Variants in TBC1D19 observed in about 807,000 individuals in gnomAD.
TBC1D19 encodes the protein TBC1 domain family member 19.
In TBC1D19, 60 loss-of-function variants were observed where a neutral mutation model predicts 89.0. The ratio of observed to expected loss-of-function variants is 0.67; its 90% CI spans 0.55 to 0.84. The LOEUF (loss-of-function observed/expected upper bound fraction) is 0.84. TBC1D19 is among the 40% of genes least tolerant of loss of function. The pLI, the probability that TBC1D19 is intolerant of heterozygous loss-of-function variation, is 0.00. For synonymous variants in TBC1D19, 189 were observed against 199.7 expected (o/e 0.95, Z 0.45); for missense variants, 500 against 610.8 (o/e 0.82, Z 1.91).
At chr4:26,816,253 T>C in the TBC1D19 span, among the ~76,000 whole-genome samples, 1 of 151,428 alleles carries the variant, frequency 6.6e-6, no homozygotes, top group Non-Finnish European at 1.5e-5. Flanking sequence ...CTTTACTTTT[T>C]TTATGGAGCA....
intron 17 of TBC1D19, among the ~76,000 whole-genome samples, chr4:26,741,497 C>T (rs1256806663): frequency 6.6e-6 from 1 of 152,072 alleles, no homozygotes; most frequent in Non-Finnish European, 1.5e-5. Flanking sequence ...AGCACACACC[C>T]ATGGTGTTCT....
intron 10 of TBC1D19, 125 bp downstream of exon 10, chr4:26,672,312 T>G: frequency 2.4e-4 from 178 of 730,112 alleles, no homozygotes; most frequent in Non-Finnish European, 3.3e-4. Context: ...AGAGGGGTAA[T>G]ATTTAACCAT....
the TBC1D19 span, among the ~76,000 whole-genome samples, chr4:26,807,028 T>C: frequency 9.9e-5 from 15 of 152,166 alleles, no homozygotes; most frequent in Admixed American, 2.0e-4. Context: ...ACTCAATCAC[T>C]GGTGAGAGAG....
the TBC1D19 span, among the ~76,000 whole-genome samples, chr4:26,844,400 A>C: frequency 1.3e-5 from 2 of 152,384 alleles, no homozygotes; most frequent in Admixed American, 6.5e-5. Flanking sequence ...TATTATCGGG[A>C]AAATGAGAAG....
the TBC1D19 span, among the ~76,000 whole-genome samples, chr4:26,785,147 C>T: frequency 6.6e-6 from 1 of 152,136 alleles, no homozygotes; most frequent in Non-Finnish European, 1.5e-5. Flanking sequence ...TTTTTATCTC[C>T]CTACCCACTC....
chr4:26,826,960 T>C, the TBC1D19 span, among the ~76,000 whole-genome samples: 22 of 152,332 alleles, frequency 1.4e-4, no homozygotes, highest in African/African-American at 5.1e-4. Flanking sequence ...GAGGCAAGTC[T>C]CTCCCCTAAA....
At chr4:26,606,141 A>G (rs1046894814) in intron 1 of TBC1D19, among the ~76,000 whole-genome samples, 10 of 152,128 alleles carry the variant, frequency 6.6e-5, no homozygotes, top group African/African-American at 2.4e-4. Context: ...GGTATATGCC[A>G]CTATACCTGT....
intron 18 of TBC1D19, among the ~76,000 whole-genome samples, chr4:26,744,721 A>G (rs1405528345): frequency 6.6e-6 from 1 of 152,088 alleles, no homozygotes; most frequent in Non-Finnish European, 1.5e-5. Flanking sequence ...ATTCTGTTGC[A>G]GTTAAACAGC....
At chr4:26,642,075 A>G (rs1392703277) in intron 7 of TBC1D19, among the ~76,000 whole-genome samples, 2 of 152,194 alleles carry the variant, frequency 1.3e-5, no homozygotes, top group Non-Finnish European at 2.9e-5. Flanking sequence ...GGAAATACAG[A>G]AAACACCACA....
intron 13 of TBC1D19, among the ~76,000 whole-genome samples, chr4:26,694,776 C>G (rs570871189): frequency 6.6e-6 from 1 of 152,318 alleles, no homozygotes; most frequent in East Asian, 1.9e-4. Context: ...GATACCCAGG[C>G]AAACAGGGTC....
At chr4:26,823,363 TC>T in the TBC1D19 span, among the ~76,000 whole-genome samples, 1 of 152,106 alleles carries the variant, frequency 6.6e-6, no homozygotes, top group African/African-American at 2.4e-5. Flanking sequence ...CTCAAACCCA[TC>T]CATGTACCTA....
chr4:26,842,600 C>CTTTCTTTCTTTCTT, the TBC1D19 span, among the ~76,000 whole-genome samples: 1 of 116,736 alleles, frequency 8.6e-6, no homozygotes, highest in Non-Finnish European at 1.7e-5. Context: ...TTCTTTCTTT[C>CTTTCTTTCTTTCTT]TTTCTTTCTT....
intron 7 of TBC1D19, among the ~76,000 whole-genome samples, chr4:26,642,126 G>T (rs1236746719): frequency 6.6e-6 from 1 of 152,140 alleles, no homozygotes; most frequent in Non-Finnish European, 1.5e-5. Context: ...GCACATAACT[G>T]TCAGATTCAC....
chr4:26,648,417 A>G (rs574007201), intron 7 of TBC1D19, among the ~76,000 whole-genome samples: 1 of 152,214 alleles, frequency 6.6e-6, no homozygotes, highest in Non-Finnish European at 1.5e-5. Flanking sequence ...TAGTTAGTAC[A>G]TGTCACTGCA....
chr4:26,782,740 T>C, the TBC1D19 span, among the ~76,000 whole-genome samples: 1 of 151,714 alleles, frequency 6.6e-6, no homozygotes, highest in Non-Finnish European at 1.5e-5. Context: ...ACATTGACTT[T>C]TTTTTTAATA....
upstream of TBC1D19, among the ~76,000 whole-genome samples, chr4:26,582,232 A>G (rs1012110813): frequency 5.9e-5 from 9 of 152,088 alleles, no homozygotes; most frequent in African/African-American, 2.2e-4. Context: ...TAATAGTCTA[A>G]TACTTGGTAC....
chr4:26,677,739 A>G (rs545139203), intron 11 of TBC1D19, among the ~76,000 whole-genome samples: 2 of 152,280 alleles, frequency 1.3e-5, no homozygotes, highest in East Asian at 3.9e-4. Context: ...TTCTCATGAT[A>G]GTGAGTGAGT....
At chr4:26,637,123 T>C in intron 4 of TBC1D19, 88 bp from the exon 5 acceptor site, 1 of 947,490 alleles carries the variant, frequency 1.1e-6, no homozygotes. Context: ...AGCCTTACCA[T>C]TTCTATATAA....
At chr4:26,806,458 A>G in the TBC1D19 span, among the ~76,000 whole-genome samples, 1 of 152,262 alleles carries the variant, frequency 6.6e-6, no homozygotes, top group East Asian at 1.9e-4. Flanking sequence ...AATGTCAGAT[A>G]TTAGCTCATG....
Sources: allele counts gnomAD v4.1 joint callset (sites outside exome capture counted in the v4.1 genomes callset), GRCh38; gene constraint gnomAD v4.1.1; transcripts MANE v1.5; gene names NCBI Gene and HGNC (gene_info 2026-07-23, HGNC 2026-07-21).